MPP4: variants seen among roughly 807,000 people sequenced by gnomAD.
The protein encoded by MPP4 is MAGUK p55 subfamily member 4.
A neutral mutation model predicts 98.3 loss-of-function variants in MPP4; 91 were observed. The ratio of observed to expected loss-of-function variants is 0.93; its 90% confidence interval spans 0.78 to 1.10. The LOEUF (loss-of-function observed/expected upper bound fraction) is 1.10, where lower values mean the gene tolerates loss of function less well. MPP4 is among the 50% of genes least tolerant of loss of function. MPP4 has a pLI of 0.00. For synonymous variants in MPP4, 261 were observed against 271.8 expected (o/e 0.96, Z 0.39); for missense variants, 744 against 792.9 (o/e 0.94, Z 0.74).
At chr2:201,692,543 CAA>C (rs10618429) in intron 3 of MPP4, among the ~76,000 whole-genome samples, 98,926 of 129,816 alleles carry the variant, frequency 0.76, 37,405 homozygotes, top group Non-Finnish European at 0.82. Context: ...GACTCTGTCT[CAA>C]AAAAAAAAAA....
At chr2:201,698,095 G>A (rs1468616866) in intron 1 of MPP4, 1 of 989,796 alleles carries the variant, frequency 1.0e-6, no homozygotes, top group Non-Finnish European at 1.2e-6. Flanking sequence ...TGACTCAGAA[G>A]ATGCATTAGT....
In MPP4 at chr2:201,685,125, G is replaced by A. The variant is rs73053634; in HGVS notation, c.513C>T (p.His171=). The change falls in exon 7 of 22, where the codon CAC becomes CAT. Residue 171 remains histidine, a synonymous_variant. Coordinates refer to ENST00000409474, the MANE Select transcript of MPP4 (RefSeq NM_033066.3). ...QQPLGATIKR[H]EMTGDILVAR... Reference sequence around the variant, plus strand: ...CCACCAAGATGTCCCCTGTCATCTCGTGGCGCTTGATGGTGGCTCCCTGAA... The same window carrying A: ...CCACCAAGATGTCCCCTGTCATCTCATGGCGCTTGATGGTGGCTCCCTGAA... 8.7e-6 allele frequency: 14 copies of A among 1,611,106 alleles called. No individual in the cohort carries two copies. In the East Asian group the frequency reaches 1.1e-4, roughly 13 times the overall value.
chr2:201,675,282 G>GA lies in MPP4; in HGVS notation c.930-12dup, dbSNP rs370762250. On this transcript the variant is annotated splice_polypyrimidine_tract_variant and intron_variant, in intron 10 of 21. Coordinates refer to ENST00000409474, the MANE Select transcript of MPP4 (RefSeq NM_033066.3). ...AATTCCCGTTGCTTCCTATGGGGGG[G>GA]AAAAAACCATGCGACAAAAAACAAA... is the stretch of plus-strand genomic sequence containing the variant. 42 of 1,598,728 alleles carry GA rather than the reference G, an allele frequency of 2.6e-5. No individual in the cohort carries two copies. In the African/African-American group the frequency reaches 4.6e-4, roughly 17 times the overall value.
chr2:201,694,517 C>T (rs968592559), intron 1 of MPP4, among the ~76,000 whole-genome samples: 1 of 151,492 alleles, frequency 6.6e-6, no homozygotes, highest in Non-Finnish European at 1.5e-5. Flanking sequence ...AGAGACAACA[C>T]TGTAACGATC....
chr2:201,695,717 C>A (rs1375525951), intron 1 of MPP4, among the ~76,000 whole-genome samples: 3 of 152,086 alleles, frequency 2.0e-5, no homozygotes, highest in Non-Finnish European at 2.9e-5. Context: ...CCTGTTAGAG[C>A]CAACAGGTTA....
At position 201,686,172 on chromosome 2, in the gene MPP4, G is replaced by C. The variant is rs1688824493; in HGVS notation, c.361-122C>G. The C allele has an allele frequency of 2.6e-6, 3 of 1,156,832 alleles. No individual in the cohort carries two copies. The South Asian group carries it at 5.2e-5, about 20-fold the overall frequency. The allele number at this position is 1,156,832 out of a possible 1,614,324, so 71.7% of individuals were successfully genotyped here. ...AACAAACACCAATACAGACATGCCA[G>C]ACACAGTGCGAAGCATTTTATATGA... On this transcript the variant is annotated intron_variant, in intron 5 of 21. Transcript: ENST00000409474.
At chr2:201,685,368 G>C (rs1317200505) in intron 6 of MPP4, among the ~76,000 whole-genome samples, 1 of 152,214 alleles carries the variant, frequency 6.6e-6, no homozygotes, top group African/African-American at 2.4e-5. Flanking sequence ...GGGCCACACA[G>C]TGCCCTGTGG....
rs367562284 is a variant in MPP4 at position 201,646,447 on chromosome 2, A to G, written c.1720-1043T>C. ...TCTTATTAGTTCATGAAAATAGTAC[A>G]ACTTGTCACCAATACAATCTGAAAC... On this transcript the variant is annotated intron_variant, in intron 21 of 21. Transcript: ENST00000409474. 1.9e-4 allele frequency among the ~76,000 whole-genome samples: 29 copies of G among 152,322 alleles called. No individual in the cohort carries two copies. The South Asian group carries it at 5.8e-3, about 31-fold the overall frequency.
Position 201,647,711 on chromosome 2 carries a change from A to G in MPP4, c.1699T>C (p.Tyr567His). The G allele has an allele frequency of 3.7e-6, 6 of 1,613,836 alleles. No homozygotes were observed. The highest frequency in any genetic ancestry group is 5.1e-6 in the Non-Finnish European group (6 of 1,179,770). The part of the protein sequence containing the change: ...RKNAKVITDY[Y>H]VDMKFKDEDL... ...CTTACCTTGAACTTCATGTCCACATAGTAGTCAGTAATAACCTTGGCATTT... is the reference window on the plus strand; with the variant it reads ...CTTACCTTGAACTTCATGTCCACATGGTAGTCAGTAATAACCTTGGCATTT... The change falls in exon 21 of 22, where the codon TAT becomes CAT. Residue 567 changes from tyrosine (Y) to histidine (H), a missense_variant. Tyr to His is a moderately conservative substitution (Grantham distance 83). Coordinates refer to ENST00000409474, the MANE Select transcript of MPP4 (RefSeq NM_033066.3).
At chr2:201,697,475 G>A (rs532251022) in intron 1 of MPP4, among the ~76,000 whole-genome samples, 2 of 152,314 alleles carry the variant, frequency 1.3e-5, no homozygotes, top group African/African-American at 4.8e-5. Flanking sequence ...GAGCAGAGAT[G>A]TTGCTTATCT....
intron 11 of MPP4, among the ~76,000 whole-genome samples, chr2:201,672,473 A>G (rs1004292661): frequency 3.3e-5 from 5 of 152,170 alleles, no homozygotes; most frequent in African/African-American, 9.6e-5. Context: ...GGATTTTTGA[A>G]AAGATTAAGA....
chr2:201,664,004 TA>T (rs1688095036), intron 14 of MPP4, 76 bp downstream of exon 14: 1 of 1,097,392 alleles, frequency 9.1e-7, no homozygotes, highest in East Asian at 2.7e-5. Context: ...ACAGTTATTA[TA>T]AATATGTGTA....
chr2:201,684,046 C>T (rs1407632220), intron 7 of MPP4, among the ~76,000 whole-genome samples: 18 of 151,584 alleles, frequency 1.2e-4, no homozygotes, highest in Admixed American at 1.2e-3. Context: ...ATAGTGAGAC[C>T]CTATCTAAAC....
intron 7 of MPP4, 101 bp from the exon 8 acceptor site, chr2:201,683,017 C>T: frequency 1.3e-6 from 1 of 797,146 alleles, no homozygotes; most frequent in South Asian, 1.6e-5. Flanking sequence ...CCCAAGCATG[C>T]TCTAAAAATG....
At chr2:201,680,242 C>G (rs1688627276) in intron 10 of MPP4, 1 of 152,468 alleles carries the variant, frequency 6.6e-6, no homozygotes, top group Admixed American at 6.5e-5. Flanking sequence ...GTGCAGGCTG[C>G]TATAACAAAG....
chr2:201,692,314 C>T (rs1008354378), intron 3 of MPP4, among the ~76,000 whole-genome samples: 4 of 152,046 alleles, frequency 2.6e-5, no homozygotes, highest in African/African-American at 9.7e-5. Context: ...GAAGCTGAGC[C>T]GGACGGATCA....
rs188734813 is a variant in MPP4 at position 201,671,929 on chromosome 2, C to T, written c.995-2179G>A. 1.6e-4 allele frequency among the ~76,000 whole-genome samples: 24 copies of T among 152,258 alleles called. No homozygotes were observed. In the East Asian group the frequency reaches 4.2e-3, roughly 27 times the overall value. ...ATAGACATCTACAGAACTCTATACC[C>T]CAAATCAACAGAATATACATTCTTC... On this transcript the variant is annotated intron_variant, in intron 11 of 21. Transcript: ENST00000409474.
chr2:201,644,874 T>C lies in MPP4; in HGVS notation c.*336A>G, dbSNP rs1687520541. On this transcript the variant is annotated 3_prime_UTR_variant, in exon 22 of 22. Coordinates refer to ENST00000409474, the MANE Select transcript of MPP4 (RefSeq NM_033066.3). Reference sequence around the variant, plus strand: ...AACACGTTTCATAGAGTACAGTTTCTAAAGTTAACTATTGCTTATTTTATT... The same window carrying C: ...AACACGTTTCATAGAGTACAGTTTCCAAAGTTAACTATTGCTTATTTTATT... 1 of 172,022 alleles carries C rather than the reference T, an allele frequency of 5.8e-6. No individual in the cohort carries two copies. The highest frequency in any genetic ancestry group is 1.2e-5 in the Non-Finnish European group (1 of 82,054). The allele number at this position is 172,022 out of a possible 1,614,324, so 10.7% of individuals were successfully genotyped here. A position where few individuals can be genotyped will look rare whatever the true frequency, so the allele number is the denominator to read the frequency against.
chr2:201,653,319 A>C (rs543466108), intron 18 of MPP4, among the ~76,000 whole-genome samples: 1 of 152,102 alleles, frequency 6.6e-6, no homozygotes, highest in Admixed American at 6.5e-5. Flanking sequence ...ACACATAGGA[A>C]GCTCTCCAAG....
Sources: gnomAD v4.1 joint callset for allele counts (sites outside exome capture counted in the v4.1 genomes callset) on GRCh38, gnomAD v4.1.1 for gene constraint, MANE v1.5 for transcripts, NCBI Gene and HGNC (gene_info 2026-07-23, HGNC 2026-07-21) for gene names.